ESYT2: variants seen among roughly 807,000 people sequenced by gnomAD.
ESYT2 encodes the protein extended synaptotagmin 2, also known as extended synaptotagmin-2.
ESYT2 carries 54 observed loss-of-function variants against 107.2 expected under a neutral mutation model. The observed-to-expected ratio is 0.50, with a 90% CI of 0.40 to 0.63. ESYT2 has a LOEUF of 0.63. Ranked by LOEUF, ESYT2 falls within the 30% of genes least tolerant of loss-of-function variation. The pLI is 0.00. For missense variants in ESYT2, 1,020 were observed against 1,094.5 expected, an observed-to-expected ratio of 0.93 and a Z score of 0.96; for synonymous variants, 491 against 434.1, an observed-to-expected ratio of 1.13 and a Z score of -1.63.
intron 1 of ESYT2, among the ~76,000 whole-genome samples, chr7:158,817,848 T>C (rs886067230): frequency 1.3e-5 from 2 of 152,260 alleles, no homozygotes; most frequent in African/African-American, 4.8e-5. Flanking sequence ...TTCAGATTAA[T>C]AATTTTAGCA....
chr7:158,731,842 G>T lies in ESYT2; in HGVS notation c.*2365C>A, dbSNP rs762993583. On this transcript the variant is annotated 3_prime_UTR_variant, in exon 23 of 23. Transcript: ENST00000275418. ...TGACAACTCAAGAGTGTCTGACATC[G>T]CTGGGATCCTGGAGTGCTGAGTGTG... The T allele has an allele frequency of 6.6e-6, 1 of 152,530 alleles. No homozygotes were observed. Among genetic ancestry groups the T allele is most frequent in the Non-Finnish European group, 1.5e-5 (1 of 68,024 alleles). The allele number at this position is 152,530 out of a possible 1,614,324, so 9.4% of individuals were successfully genotyped here. A position where few individuals can be genotyped will look rare whatever the true frequency, so the allele number is the denominator to read the frequency against.
chr7:158,806,596 T>C (rs990965316), intron 1 of ESYT2, among the ~76,000 whole-genome samples: 1 of 152,226 alleles, frequency 6.6e-6, no homozygotes, highest in African/African-American at 2.4e-5. Context: ...ACAGACTTAT[T>C]TACATATAAA....
chr7:158,742,327 C>T (rs916196324), intron 17 of ESYT2, among the ~76,000 whole-genome samples: 1 of 152,242 alleles, frequency 6.6e-6, no homozygotes, highest in African/African-American at 2.4e-5. Flanking sequence ...TGGTGCCACA[C>T]AACCTGGGCA....
At chr7:158,797,385 G>T (rs1481221887) in intron 3 of ESYT2, among the ~76,000 whole-genome samples, 1 of 151,970 alleles carries the variant, frequency 6.6e-6, no homozygotes, top group African/African-American at 2.4e-5. Context: ...TTAAGCTCAG[G>T]CCTCCCAAAG....
chr7:158,741,668 G>GC lies in ESYT2; in HGVS notation c.2022dup (p.Leu675AlafsTer89). The GC allele has an allele frequency of 1.2e-6, 2 of 1,613,952 alleles. No individual in the cohort carries two copies. The highest frequency in any genetic ancestry group is 1.7e-6 in the Non-Finnish European group (2 of 1,180,004). ...GAGGAGCTTCTGCCCAGGTCGTGCA[G>GC]CCCCTGAGGGCCGGCCTCAGGGGGC... On this transcript the variant is annotated frameshift_variant, in exon 18 of 23. Transcript: ENST00000275418.
At chr7:158,778,067 C>T (rs781512694) in intron 6 of ESYT2, among the ~76,000 whole-genome samples, 57 of 152,090 alleles carry the variant, frequency 3.7e-4, no homozygotes, top group Non-Finnish European at 4.9e-4. Flanking sequence ...TCTTAAATGT[C>T]GCATTCATAT....
chr7:158,739,107 C>T lies in ESYT2; in HGVS notation c.2183G>A (p.Gly728Glu). 6.2e-7 allele frequency: 1 copy of T among 1,614,040 alleles called. No homozygotes were observed. The highest frequency in any genetic ancestry group is 8.5e-7 in the Non-Finnish European group (1 of 1,179,968). Residue 728 changes from glycine to glutamate, a missense_variant, in exon 19 of 23, where the codon GGA becomes GAA. Transcript: ENST00000275418. ...CTGGATCTGCCCCAGTGGAGACTGT[C>T]CCAGGGTCGTCCCGCTGTGGGAAAA... ...LRQLENGTTLGQSPLGQIQLT... is the reference protein window; with the variant it reads ...LRQLENGTTLEQSPLGQIQLT...
chr7:158,795,027 G>C (rs1839418774), intron 3 of ESYT2, among the ~76,000 whole-genome samples: 1 of 152,188 alleles, frequency 6.6e-6, no homozygotes, highest in South Asian at 2.1e-4. Flanking sequence ...GGCATGATGT[G>C]CATCAGATAA....
At chr7:158,764,186 T>C (rs948329336) in intron 9 of ESYT2, among the ~76,000 whole-genome samples, 5 of 152,230 alleles carry the variant, frequency 3.3e-5, no homozygotes, top group Admixed American at 6.5e-5. Flanking sequence ...ACAGCATTGT[T>C]TGTAATGCTG....
At chr7:158,809,101 G>A (rs1839915406) in intron 1 of ESYT2, among the ~76,000 whole-genome samples, 1 of 152,142 alleles carries the variant, frequency 6.6e-6, no homozygotes, top group South Asian at 2.1e-4. Context: ...TTTCACTGGG[G>A]ATCTTGGAAA....
At chr7:158,788,618 G>A (rs1839186104) in intron 4 of ESYT2, among the ~76,000 whole-genome samples, 1 of 152,176 alleles carries the variant, frequency 6.6e-6, no homozygotes, top group African/African-American at 2.4e-5. Context: ...ATCCAACACT[G>A]CTATGACGTT....
chr7:158,829,072 C>T lies in ESYT2; in HGVS notation c.330+17G>A, dbSNP rs181363439. The stretch of plus-strand genomic sequence containing the variant: ...ACTGGTGGTCAGGGGTCGGGACGGG[C>T]AGGGGTCTGCACTCACCCAGGCGGG... On this transcript the variant is annotated intron_variant, in intron 1 of 22. Transcript: ENST00000275418. 60 of 1,577,756 alleles carry T rather than the reference C, an allele frequency of 3.8e-5. No homozygotes were observed. In the Admixed American group the frequency reaches 9.3e-4, roughly 24 times the overall value.
intron 6 of ESYT2, among the ~76,000 whole-genome samples, chr7:158,781,767 G>A (rs1196057277): frequency 2.6e-5 from 4 of 152,070 alleles, no homozygotes; most frequent in African/African-American, 9.7e-5. Context: ...AGATGTGAGT[G>A]TAAGAACGAG....
Position 158,767,669 on chromosome 7 carries a change from C to A in ESYT2, c.909G>T (p.Arg303=), listed in dbSNP as rs1183692588. 6.8e-6 allele frequency: 11 copies of A among 1,611,704 alleles called. No individual in the cohort carries two copies. The highest frequency in any genetic ancestry group is 9.3e-6 in the Non-Finnish European group (11 of 1,178,890). The change falls in exon 8 of 23, where the codon CGG becomes CGT. Residue 303 remains arginine (R), a synonymous_variant. Transcript: ENST00000275418. ...LVSEVQIAQL[R]FPVPKGVLRI... Reference sequence around the variant, plus strand: ...ACACGCTTACCTTTGGTACAGGAAACCGCAACTGAGCTATTTGAACTTCAC... The same window carrying A: ...ACACGCTTACCTTTGGTACAGGAAAACGCAACTGAGCTATTTGAACTTCAC...
chr7:158,756,389 T>C (rs2129471956), intron 13 of ESYT2, among the ~76,000 whole-genome samples: 1 of 152,202 alleles, frequency 6.6e-6, no homozygotes, highest in East Asian at 1.9e-4. Context: ...AATTATCCAC[T>C]CCAGGAAGGT....
chr7:158,734,090 G>T lies in ESYT2; in HGVS notation c.*117C>A. On this transcript the variant is annotated 3_prime_UTR_variant, in exon 23 of 23. Coordinates refer to ENST00000275418, the MANE Select transcript of ESYT2 (RefSeq NM_001367773.1). Reference sequence around the variant, plus strand: ...GTCAACAATTTTATAAAACTATTAAGGTATGTATAACTAAATCCATGAAAT... The same window carrying T: ...GTCAACAATTTTATAAAACTATTAATGTATGTATAACTAAATCCATGAAAT... 8.2e-7 allele frequency: 1 copy of T among 1,214,944 alleles called. No homozygotes were observed. Among genetic ancestry groups the T allele is most frequent in the Non-Finnish European group, 1.2e-6 (1 of 857,842 alleles). 75.3% of individuals were successfully genotyped at this position (1,214,944 alleles called of 1,614,324 possible).
At position 158,734,148 on chromosome 7, in the gene ESYT2, G is replaced by A; in HGVS notation, c.*59C>T. 4 of 1,561,260 alleles carry A rather than the reference G, an allele frequency of 2.6e-6. No individual in the cohort carries two copies. The highest frequency in any genetic ancestry group is 3.5e-6 in the Non-Finnish European group (4 of 1,133,108). ...ATAACATTGGTACGTCTGTGAGAGG[G>A]TGTGTTCCGGGTAGAGGTGGAGAGC... On this transcript the variant is annotated 3_prime_UTR_variant, in exon 23 of 23. Coordinates refer to ENST00000275418, the MANE Select transcript of ESYT2 (RefSeq NM_001367773.1).
intron 21 of ESYT2, among the ~76,000 whole-genome samples, chr7:158,734,995 A>G (rs909845037): frequency 1.1e-4 from 16 of 152,222 alleles, no homozygotes; most frequent in African/African-American, 3.9e-4. Flanking sequence ...TGCAACCAGC[A>G]GTCTTAAAAT....
At chr7:158,806,165 C>T (rs1449062750) in intron 1 of ESYT2, among the ~76,000 whole-genome samples, 1 of 152,240 alleles carries the variant, frequency 6.6e-6, no homozygotes, top group African/African-American at 2.4e-5. Flanking sequence ...GGCGCTGGCG[C>T]ACAATGCGTA....
Sources: gnomAD v4.1 joint callset for allele counts (sites outside exome capture counted in the v4.1 genomes callset) on GRCh38, gnomAD v4.1.1 for gene constraint, MANE v1.5 for transcripts, NCBI Gene and HGNC (gene_info 2026-07-23, HGNC 2026-07-21) for gene names.